The following UGT2A1 variants were observed in gnomAD, a reference collection of about 807,000 sequenced individuals.
UGT2A1 encodes UDP-glucuronosyltransferase 2A1.
A neutral mutation model predicts 45.4 loss-of-function variants in UGT2A1; 61 were observed. That is an observed-to-expected ratio of 1.34 (90% CI 1.09 to 1.66). The LOEUF is 1.66. Ranked by LOEUF, UGT2A1 falls within the 40% of genes most tolerant of loss-of-function variation. UGT2A1 has a pLI of 0.00. For missense variants in UGT2A1, 649 were observed against 574.3 expected, an observed-to-expected ratio of 1.13 and a Z score of -1.33; for synonymous variants, 229 against 196.2, an observed-to-expected ratio of 1.17 and a Z score of -1.40.
chr4:69,609,992 G>T (rs1719937360), intron 3 of UGT2A1, among the ~76,000 whole-genome samples: 1 of 152,068 alleles, frequency 6.6e-6, no homozygotes, highest in Non-Finnish European at 1.5e-5. Flanking sequence ...AGAATGTTGA[G>T]GAAATAACAT....
intron 4 of UGT2A1, among the ~76,000 whole-genome samples, chr4:69,598,793 C>T (rs4148299): frequency 6.6e-6 from 1 of 151,748 alleles, no homozygotes; most frequent in Non-Finnish European, 1.5e-5. Flanking sequence ...AAGAGCCCTG[C>T]CTTATTTCAT....
intron 3 of UGT2A1, among the ~76,000 whole-genome samples, chr4:69,614,916 A>G (rs1720287419): frequency 6.6e-6 from 1 of 152,032 alleles, no homozygotes; most frequent in South Asian, 2.1e-4. Context: ...GACAACTTAC[A>G]ATTGTGGTGG....
chr4:69,594,750 AT>A, intron 5 of UGT2A1, 54 bp from the exon 6 acceptor site: 1 of 1,561,280 alleles, frequency 6.4e-7, no homozygotes, highest in Admixed American at 1.9e-5. Flanking sequence ...CATTAGCAGA[AT>A]TTGAGAGACA....
chr4:69,613,767 A>G (rs1720205227), intron 3 of UGT2A1, among the ~76,000 whole-genome samples: 1 of 152,082 alleles, frequency 6.6e-6, no homozygotes, highest in African/African-American at 2.4e-5. Flanking sequence ...ATTTGAGAAC[A>G]TTAACATCTC....
At position 69,647,481 on chromosome 4, in the gene UGT2A1, G is replaced by A. The variant is rs113894762; in HGVS notation, c.164C>T (p.Ala55Val). 8.4e-3 allele frequency: 13,625 copies of A among 1,613,018 alleles called. 78 individuals are homozygous for A. Among genetic ancestry groups the A allele is most frequent in the Non-Finnish European group, 9.4e-3 (11,083 of 1,179,350 alleles). The stretch of plus-strand genomic sequence containing the variant: ...TGGTGTGATGAAAAGTGCACCAGAG[G>A]CAACTAGGACAGTCACATTATGCTC... ...KKEHNVTVLV[A>V]SGALFITPTS... The change falls in exon 2 of 7, where the codon GCC (alanine) becomes GTC (valine). Residue 55 changes from alanine (A) to valine (V), a missense_variant. Coordinates refer to ENST00000286604, the MANE Select transcript of UGT2A1 (RefSeq NM_001252275.3).
chr4:69,637,045 G>T (rs1721751751), intron 2 of UGT2A1, among the ~76,000 whole-genome samples: 1 of 151,966 alleles, frequency 6.6e-6, no homozygotes, highest in South Asian at 2.1e-4. Flanking sequence ...TACATAGCTG[G>T]GTAGTTACAA....
At position 69,589,423 on chromosome 4, in the gene UGT2A1, C is replaced by G; in HGVS notation, c.1533G>C (p.Leu511Phe). 6.2e-7 allele frequency: 1 copy of G among 1,613,508 alleles called. No homozygotes were observed. The highest frequency in any genetic ancestry group is 8.5e-7 in the Non-Finnish European group (1 of 1,179,708). ...TAIFLVIQCC[L>F]FSCQKFGKIG... ...TCTTACCAAATTTTTGACAGGAAAA[C>G]AAACAACATTGTATGACCAAAAATA... The change falls in exon 7 of 7, where the codon TTG becomes TTC. Residue 511 changes from leucine (L) to phenylalanine (F), a missense_variant. Leu to Phe is a conservative substitution (Grantham distance 22). Transcript: ENST00000286604.
intron 1 of UGT2A1, among the ~76,000 whole-genome samples, chr4:69,652,095 A>T (rs1047364827): frequency 5.3e-5 from 8 of 152,080 alleles, no homozygotes; most frequent in Non-Finnish European, 1.2e-4. Context: ...GATGCCCCCC[A>T]GTCAAATTCT....
chr4:69,625,826 G>A (rs1321716109), intron 3 of UGT2A1, among the ~76,000 whole-genome samples: 2 of 151,458 alleles, frequency 1.3e-5, no homozygotes, highest in Non-Finnish European at 3.0e-5. Context: ...AAATTAATTA[G>A]TCTTGTAAGT....
intron 3 of UGT2A1, chr4:69,603,702 C>T (rs1719433685): frequency 7.4e-6 from 1 of 135,740 alleles, no homozygotes; most frequent in African/African-American, 3.0e-5. Context: ...CTAGAATCAC[C>T]AATGAAGAAA....
chr4:69,601,736 G>T (rs983805992), intron 3 of UGT2A1, among the ~76,000 whole-genome samples: 4 of 139,844 alleles, frequency 2.9e-5, no homozygotes, highest in Non-Finnish European at 6.2e-5. Context: ...CAGAGCTGGT[G>T]CTGGTATCCA....
At chr4:69,617,332 A>G (rs1720461457) in intron 3 of UGT2A1, among the ~76,000 whole-genome samples, 1 of 151,944 alleles carries the variant, frequency 6.6e-6, no homozygotes, top group Non-Finnish European at 1.5e-5. Context: ...TGGTGAGTCC[A>G]AATTATTAGG....
At chr4:69,623,927 C>A (rs1283184529) in intron 3 of UGT2A1, among the ~76,000 whole-genome samples, 1 of 151,404 alleles carries the variant, frequency 6.6e-6, no homozygotes, top group East Asian at 1.9e-4. Flanking sequence ...GGCCAGAATG[C>A]CCAGGACAAG....
intron 2 of UGT2A1, among the ~76,000 whole-genome samples, chr4:69,636,135 C>A (rs1721697347): frequency 6.6e-6 from 1 of 152,124 alleles, no homozygotes; most frequent in African/African-American, 2.4e-5. Flanking sequence ...TCCTTCAAGA[C>A]ATTTGGAGTT....
intron 3 of UGT2A1, among the ~76,000 whole-genome samples, chr4:69,629,280 G>A (rs1370081472): frequency 6.6e-6 from 1 of 151,990 alleles, no homozygotes; most frequent in Non-Finnish European, 1.5e-5. Context: ...CATTCAGGAG[G>A]TGTACTGCAA....
At chr4:69,593,196 A>C (rs1383102915) in intron 6 of UGT2A1, among the ~76,000 whole-genome samples, 3 of 152,154 alleles carry the variant, frequency 2.0e-5, no homozygotes, top group Non-Finnish European at 4.4e-5. Context: ...TATTGAAAGA[A>C]AATTCCATGT....
At chr4:69,614,228 C>T (rs1720239836) in intron 3 of UGT2A1, among the ~76,000 whole-genome samples, 1 of 151,650 alleles carries the variant, frequency 6.6e-6, no homozygotes, top group Admixed American at 6.6e-5. Context: ...GCAACAGCTA[C>T]AAATAAAATA....
intron 5 of UGT2A1, 92 bp from the exon 6 acceptor site, chr4:69,594,788 C>A: frequency 7.0e-7 from 1 of 1,420,660 alleles, no homozygotes; most frequent in South Asian, 1.4e-5. Context: ...TGTAATGTAA[C>A]TCTCTAAAGA....
chr4:69,609,704 ACC>A (rs1719916781), intron 3 of UGT2A1, among the ~76,000 whole-genome samples: 1 of 152,096 alleles, frequency 6.6e-6, no homozygotes, highest in Non-Finnish European at 1.5e-5. Flanking sequence ...CTATACCTAT[ACC>A]TATACTTATT....
Sources: allele counts gnomAD v4.1 joint callset (sites outside exome capture counted in the v4.1 genomes callset), GRCh38; gene constraint gnomAD v4.1.1; transcripts MANE v1.5; gene names NCBI Gene and HGNC (gene_info 2026-07-23, HGNC 2026-07-21).